The following MOCOS variants were observed in gnomAD, a reference collection of about 807,000 sequenced individuals.
MOCOS encodes molybdenum cofactor sulfurase.
MOCOS carries 86 observed loss-of-function variants against 83.6 expected under a neutral mutation model. The observed-to-expected ratio is 1.03, with a 90% confidence interval of 0.86 to 1.23. The LOEUF is 1.23. Among genes scored for constraint, MOCOS ranks in the 50% most tolerant of loss-of-function variants. The probability of loss-of-function intolerance (pLI) is 0.00; values close to 1 mark genes in which losing one functional copy is unlikely to be tolerated. For missense variants in MOCOS, 1,120 were observed against 1,126.9 expected, an observed-to-expected ratio of 0.99 and a Z score of 0.09; for synonymous variants, 445 against 434.7, an observed-to-expected ratio of 1.02 and a Z score of -0.29.
intron 6 of MOCOS, among the ~76,000 whole-genome samples, chr18:36,209,574 G>A (rs1289346474): frequency 1.3e-5 from 2 of 151,334 alleles, no homozygotes; most frequent in Non-Finnish European, 2.9e-5. Context: ...CCACTTATAA[G>A]TGAGAACATA....
At chr18:36,220,332 C>A in intron 9 of MOCOS, 115 bp downstream of exon 9, 3 of 1,279,746 alleles carry the variant, frequency 2.3e-6, no homozygotes, top group Non-Finnish European at 3.2e-6. Flanking sequence ...ACAGTGAGAC[C>A]TCATCTCTAC....
chr18:36,222,196 G>A (rs568989762), intron 9 of MOCOS, among the ~76,000 whole-genome samples: 1 of 152,286 alleles, frequency 6.6e-6, no homozygotes, highest in South Asian at 2.1e-4. Flanking sequence ...TGAACATTGG[G>A]AGTGCTAATA....
intron 9 of MOCOS, among the ~76,000 whole-genome samples, chr18:36,233,818 C>A (rs1203099453): frequency 6.6e-6 from 1 of 152,112 alleles, no homozygotes; most frequent in African/African-American, 2.4e-5. Context: ...TGTTTGTTGG[C>A]CATTTGTATA....
intron 10 of MOCOS, among the ~76,000 whole-genome samples, chr18:36,249,298 TG>T (rs1170073478): frequency 6.6e-6 from 1 of 152,198 alleles, no homozygotes; most frequent in Non-Finnish European, 1.5e-5. Context: ...AACAGGTCTC[TG>T]TTCAAAAGCC....
chr18:36,248,744 C>T (rs536950484), intron 9 of MOCOS, among the ~76,000 whole-genome samples, 178 bp from the exon 10 acceptor site: 4 of 152,272 alleles, frequency 2.6e-5, no homozygotes, highest in Non-Finnish European at 4.4e-5. Flanking sequence ...CAGAAATCAC[C>T]TGACTGTAAA....
chr18:36,251,098 C>A (rs1244784568), intron 10 of MOCOS, 61 bp from the exon 11 acceptor site: 2 of 1,559,266 alleles, frequency 1.3e-6, no homozygotes, highest in South Asian at 1.1e-5. Context: ...TTTTGCAATT[C>A]AGATTATTAT....
chr18:36,266,997 C>A (rs551158906), intron 14 of MOCOS, 144 bp downstream of exon 14: 6 of 712,926 alleles, frequency 8.4e-6, no homozygotes, highest in East Asian at 8.2e-5. Context: ...ATTAACCTAT[C>A]CTTGTTTGTA....
intron 8 of MOCOS, among the ~76,000 whole-genome samples, chr18:36,218,153 T>A (rs572259639): frequency 6.6e-6 from 1 of 152,220 alleles, no homozygotes; most frequent in South Asian, 2.1e-4. Flanking sequence ...CTTATACAGG[T>A]CAGCTGTAGG....
chr18:36,231,659 T>C (rs866790356), intron 9 of MOCOS, among the ~76,000 whole-genome samples: 16 of 152,214 alleles, frequency 1.1e-4, no homozygotes, highest in South Asian at 6.2e-4. Flanking sequence ...TATGCTGATA[T>C]CTTTACAGAA....
At chr18:36,257,476 A>G (rs1426926873) in intron 12 of MOCOS, among the ~76,000 whole-genome samples, 1 of 152,170 alleles carries the variant, frequency 6.6e-6, no homozygotes, top group Non-Finnish European at 1.5e-5. Context: ...AGGCTAAAAA[A>G]GAGTGGTTAT....
At chr18:36,212,201 A>G (rs930973234) in intron 6 of MOCOS, among the ~76,000 whole-genome samples, 1 of 151,936 alleles carries the variant, frequency 6.6e-6, no homozygotes, top group African/African-American at 2.4e-5. Context: ...GACAGACAGG[A>G]GACATCTCCT....
intron 9 of MOCOS, among the ~76,000 whole-genome samples, chr18:36,225,341 A>G (rs906007948): frequency 6.6e-6 from 1 of 151,998 alleles, no homozygotes; most frequent in African/African-American, 2.4e-5. Context: ...TTGTAGAGAG[A>G]GGGTTTCACC....
At chr18:36,265,751 A>G (rs2091679726) in intron 13 of MOCOS, among the ~76,000 whole-genome samples, 1 of 152,006 alleles carries the variant, frequency 6.6e-6, no homozygotes, top group Admixed American at 6.6e-5. Flanking sequence ...ATATATATAT[A>G]TATATATATG....
At position 36,271,021 on chromosome 18, in the gene MOCOS, C is replaced by T. The variant is rs2091697658; in HGVS notation, c.*2336C>T. The T allele has an allele frequency of 6.6e-6, 1 of 151,794 alleles. No individual in the cohort carries two copies. The highest frequency in any genetic ancestry group is 1.5e-5 in the Non-Finnish European group (1 of 67,966). The allele number at this position is 151,794 out of a possible 1,614,324, so 9.4% of individuals were successfully genotyped here. On this transcript the variant is annotated 3_prime_UTR_variant, in exon 15 of 15. Transcript: ENST00000261326. The stretch of plus-strand genomic sequence containing the variant: ...TTTTTCTTTTTGGTAGAGATGGCAT[C>T]TCACTTTGTTGCCCAGGCTAGTTTT...
chr18:36,251,373 G>T, intron 11 of MOCOS, 90 bp downstream of exon 11: 1 of 1,523,304 alleles, frequency 6.6e-7, no homozygotes, highest in Non-Finnish European at 9.0e-7. Context: ...ACTTACGGGT[G>T]ACTTGCTGAT....
intron 9 of MOCOS, among the ~76,000 whole-genome samples, chr18:36,234,723 G>T (rs894777168): frequency 9.9e-5 from 15 of 152,258 alleles, no homozygotes; most frequent in Admixed American, 9.8e-4. Flanking sequence ...AGAAATACCT[G>T]AGACTGGGTA....
intron 6 of MOCOS, among the ~76,000 whole-genome samples, chr18:36,211,280 G>T (rs2091454652): frequency 6.6e-6 from 1 of 152,120 alleles, no homozygotes; most frequent in South Asian, 2.1e-4. Context: ...GTATATCCAG[G>T]CTTCTAATTT....
intron 6 of MOCOS, among the ~76,000 whole-genome samples, chr18:36,208,955 G>T (rs12456634): frequency 0.1 from 15,796 of 152,152 alleles, 1,117 homozygotes; most frequent in South Asian, 0.16. Context: ...TTGTTATTTT[G>T]ATGTATGTTC....
chr18:36,269,024 C>T lies in MOCOS; in HGVS notation c.*339C>T. ...AACTTACTGCGGGTCCCTATTTTGCCATTTTCTCACATTGTTACTTTGTTT... is the reference window on the plus strand; with the variant it reads ...AACTTACTGCGGGTCCCTATTTTGCTATTTTCTCACATTGTTACTTTGTTT... On this transcript the variant is annotated 3_prime_UTR_variant, in exon 15 of 15. Transcript: ENST00000261326. 6.5e-6 allele frequency: 2 copies of T among 306,750 alleles called. No homozygotes were observed. The highest frequency in any genetic ancestry group is 8.3e-5 in the East Asian group (1 of 12,064). The allele number at this position is 306,750 out of a possible 1,614,324, so 19.0% of individuals were successfully genotyped here.
Sources: allele counts gnomAD v4.1 joint callset (sites outside exome capture counted in the v4.1 genomes callset), GRCh38; gene constraint gnomAD v4.1.1; transcripts MANE v1.5; gene names NCBI Gene and HGNC (gene_info 2026-07-23, HGNC 2026-07-21).